RBFOX3: variants seen among roughly 807,000 people sequenced by gnomAD.
The protein encoded by RBFOX3 is RNA binding protein fox-1 homolog 3.
Under a neutral mutation model 48.7 loss-of-function variants are expected in RBFOX3, and 17 were observed. That is an observed-to-expected ratio of 0.35 (90% confidence interval 0.24 to 0.52). RBFOX3 has a LOEUF of 0.52. Among genes scored for constraint, RBFOX3 ranks in the 20% least tolerant of loss-of-function variants. The probability of loss-of-function intolerance (pLI) is 0.94; values close to 1 mark genes in which losing one functional copy is unlikely to be tolerated. For missense variants in RBFOX3, 382 were observed against 497.5 expected (o/e 0.77, Z 2.21); for synonymous variants, 212 against 209.5 (o/e 1.01, Z -0.10).
intron 4 of RBFOX3, among the ~76,000 whole-genome samples, chr17:79,150,475 C>T (rs995824505): frequency 6.6e-6 from 1 of 152,180 alleles, no homozygotes; most frequent in African/African-American, 2.4e-5. Context: ...CTCAACCTCA[C>T]CCTGGTCCCG....
Position 79,115,626 on chromosome 17 carries a change from C to G in RBFOX3, c.90G>C (p.Thr30=). ...CCGGGGTCTGGCCGGAGTAGTCCTG[C>G]GTGGGGTGCGGTGGGGGCGGGGCGT... ...AEYAPPPPHP[T]QDYSGQTPVP... The change falls in exon 5 of 15, where the codon ACG becomes ACC. Residue 30 remains threonine, a synonymous_variant. Transcript: ENST00000693108. 1 of 1,118,222 alleles carries G rather than the reference C, an allele frequency of 8.9e-7. No individual in the cohort carries two copies. Among genetic ancestry groups the G allele is most frequent in the Non-Finnish European group, 1.1e-6 (1 of 905,238 alleles). 69.3% of individuals were successfully genotyped at this position (1,118,222 alleles called of 1,614,324 possible).
chr17:79,277,840 C>T (rs2069282122), intron 3 of RBFOX3, among the ~76,000 whole-genome samples: 1 of 152,192 alleles, frequency 6.6e-6, no homozygotes, highest in Non-Finnish European at 1.5e-5. Flanking sequence ...GGGCACATCC[C>T]CTTAGCCCCC....
intron 2 of RBFOX3, among the ~76,000 whole-genome samples, chr17:79,427,325 G>A (rs1243578422): frequency 5.9e-5 from 9 of 152,208 alleles, no homozygotes; most frequent in Non-Finnish European, 1.5e-5. Context: ...CTAAGGTCCT[G>A]GGAGATGTCC....
intron 1 of RBFOX3, among the ~76,000 whole-genome samples, chr17:79,503,165 C>T (rs949311134): frequency 3.9e-5 from 6 of 152,330 alleles, no homozygotes; most frequent in South Asian, 2.1e-4. Context: ...CCCATCACAA[C>T]GGCCCCACCT....
At position 79,220,598 on chromosome 17, in the gene RBFOX3, GGTGTGTGT is replaced by G. The variant is rs10641407; in HGVS notation, c.-34+15160_-34+15167del. Among the ~76,000 whole-genome samples, 5 of 150,652 alleles carry G rather than the reference GGTGTGTGT, an allele frequency of 3.3e-5. No individual in the cohort carries two copies. Among genetic ancestry groups the G allele is most frequent in the Non-Finnish European group, 5.9e-5 (4 of 67,590 alleles). On this transcript the variant is annotated intron_variant, in intron 4 of 14. Transcript: ENST00000693108. The surrounding 1 kb of genome is among the most constrained non-coding windows in gnomAD (Gnocchi z 5.9). ...TCATCAAGCAGGGGACCCAGGGGAGGGTGTGTGTGTGTGTGTGTCGGGGGGACACAAAA... is the reference window on the plus strand; with the variant it reads ...TCATCAAGCAGGGGACCCAGGGGAGGGTGTGTGTGTCGGGGGGACACAAAA...
At chr17:79,562,075 G>A (rs949812871) in intron 1 of RBFOX3, among the ~76,000 whole-genome samples, 6 of 152,250 alleles carry the variant, frequency 3.9e-5, no homozygotes, top group African/African-American at 1.4e-4. Context: ...AGACCAGTAC[G>A]TCTGTGACAT....
intron 1 of RBFOX3, among the ~76,000 whole-genome samples, chr17:79,571,071 T>C (rs879164264): frequency 0.69 from 104,533 of 152,004 alleles, 36,282 homozygotes; most frequent in East Asian, 0.94. Flanking sequence ...GTAATGCCAG[T>C]TCCACGTCCC....
chr17:79,582,037 T>C (rs1406919023), intron 1 of RBFOX3, among the ~76,000 whole-genome samples: 2 of 140,808 alleles, frequency 1.4e-5, no homozygotes, highest in African/African-American at 2.7e-5. Context: ...TGCGTGCCTG[T>C]GTATGCATGC....
intron 4 of RBFOX3, among the ~76,000 whole-genome samples, chr17:79,129,337 T>C (rs539298714): frequency 2.6e-5 from 4 of 152,328 alleles, no homozygotes; most frequent in African/African-American, 9.6e-5. Flanking sequence ...ACCTGGGATC[T>C]GAACCCAGGC....
intron 1 of RBFOX3, among the ~76,000 whole-genome samples, chr17:79,561,917 A>T (rs1185178537): frequency 1.3e-5 from 2 of 152,154 alleles, no homozygotes; most frequent in African/African-American, 4.8e-5. Flanking sequence ...CTTCCCATGC[A>T]TGGTGCTATG....
intron 2 of RBFOX3, among the ~76,000 whole-genome samples, chr17:79,350,698 C>T (rs561165048): frequency 2.6e-4 from 39 of 152,322 alleles, no homozygotes; most frequent in African/African-American, 9.4e-4. Flanking sequence ...GTCCCTGTGA[C>T]CTGGTGCTCT....
chr17:79,367,330 A>C (rs1598404036), intron 2 of RBFOX3, among the ~76,000 whole-genome samples: 4 of 101,524 alleles, frequency 3.9e-5, no homozygotes, highest in Admixed American at 1.2e-4. Flanking sequence ...CCTCTTCTTC[A>C]TTTCCTCTTC....
intron 1 of RBFOX3, among the ~76,000 whole-genome samples, chr17:79,532,524 C>T (rs1481960536): frequency 2.6e-5 from 4 of 152,148 alleles, no homozygotes; most frequent in Admixed American, 6.5e-5. Context: ...GGGGGCCACA[C>T]GTGGGAGGCT....
upstream of RBFOX3, among the ~76,000 whole-genome samples, chr17:79,611,852 G>T (rs2093972203): frequency 6.6e-6 from 1 of 152,184 alleles, no homozygotes; most frequent in South Asian, 2.1e-4. Flanking sequence ...TTCCACCTGT[G>T]CCTGGCTGGA....
intron 5 of RBFOX3, 80 bp from the exon 6 acceptor site, chr17:79,106,868 T>G (rs2077475137): frequency 7.2e-7 from 1 of 1,386,646 alleles, no homozygotes; most frequent in Non-Finnish European, 9.2e-7. Flanking sequence ...GTCGGCAGAG[T>G]CTAAAGGCCA....
chr17:79,094,708 GA>G (rs1269327528), intron 13 of RBFOX3, among the ~76,000 whole-genome samples, 179 bp from the exon 14 acceptor site: 1 of 150,274 alleles, frequency 6.7e-6, no homozygotes, highest in Non-Finnish European at 1.5e-5. Flanking sequence ...TTCTTGTTAA[GA>G]AGGAAGCTTC....
In RBFOX3 at chr17:79,390,315, C is replaced by A. The variant is rs1000860005; in HGVS notation, c.-174-82491G>T. On this transcript the variant is annotated intron_variant, in intron 2 of 14. Coordinates refer to ENST00000693108, the MANE Select transcript of RBFOX3 (RefSeq NM_001350451.2). The surrounding 1 kb of genome is among the most constrained non-coding windows in gnomAD (Gnocchi z 4.2). ...CAGCATCCCGGGGGGACTTCTTAGA[C>A]TCCACTCTGAGTTTGGCTTTGCCAC... Among the ~76,000 whole-genome samples the A allele has an allele frequency of 6.6e-6, 1 of 152,238 alleles. No individual in the cohort carries two copies. Among genetic ancestry groups the A allele is most frequent in the Non-Finnish European group, 1.5e-5 (1 of 68,050 alleles).
chr17:79,127,110 A>C (rs1052576509), intron 4 of RBFOX3, among the ~76,000 whole-genome samples: 3 of 152,252 alleles, frequency 2.0e-5, no homozygotes, highest in African/African-American at 7.2e-5. Flanking sequence ...GTCAAGAGTC[A>C]CAGGCAAATG....
At chr17:79,151,445 G>T (rs1568234658) in intron 4 of RBFOX3, among the ~76,000 whole-genome samples, 17 of 8,708 alleles carry the variant, frequency 2.0e-3, no homozygotes, top group East Asian at 3.6e-3. Context: ...GGGGAGGCGA[G>T]GATGGGAGGG....
Sources: allele counts gnomAD v4.1 joint callset (sites outside exome capture counted in the v4.1 genomes callset), GRCh38; gene constraint gnomAD v4.1.1; non-coding constraint Gnocchi (gnomAD v3.1); transcripts MANE v1.5; gene names NCBI Gene and HGNC (gene_info 2026-07-23, HGNC 2026-07-21).